Variants in UBR4 observed in about 807,000 individuals in gnomAD.
The protein encoded by UBR4 is ubiquitin protein ligase E3 component n-recognin 4.
UBR4 carries 124 observed loss-of-function variants against 575.6 expected under a neutral mutation model. The observed-to-expected ratio is 0.22, with a 90% confidence interval of 0.19 to 0.25. The LOEUF is 0.25. Ranked by LOEUF, UBR4 falls within the 10% of genes least tolerant of loss-of-function variation. The pLI, the probability that UBR4 is intolerant of heterozygous loss-of-function variation, is 1.00. For synonymous variants in UBR4, 2,455 were observed against 2,473.7 expected, an observed-to-expected ratio of 0.99 and a Z score of 0.22; for missense variants, 4,818 against 6,478.8, an observed-to-expected ratio of 0.74 and a Z score of 8.80.
chr1:19,161,277 T>A, intron 37 of UBR4, 130 bp from the exon 38 acceptor site: 1 of 878,484 alleles, frequency 1.1e-6, no homozygotes, highest in Non-Finnish European at 1.7e-6. Context: ...TCCAAAAGCC[T>A]AAATTCTGAT....
chr1:19,122,940 C>A lies in UBR4; in HGVS notation c.9709G>T (p.Val3237Leu), dbSNP rs754345395. ...LRDLHTLDSH[V>L]RGIKKLLEEQ... Reference sequence around the variant, plus strand: ...TCTAGCAGCTTCTTGATCCCACGCACGTGAGAGTCCAGGGTGTGCAAATCC... The same window carrying A: ...TCTAGCAGCTTCTTGATCCCACGCAAGTGAGAGTCCAGGGTGTGCAAATCC... Residue 3237 changes from valine (V) to leucine (L), a missense_variant, in exon 66 of 106, where the codon GTG (valine) becomes TTG (leucine). Physicochemically the swap from Val to Leu is conservative, Grantham distance 32. Around this residue, in one of 29 missense-constraint regions of UBR4, gnomAD observed 550 missense variants for 791.5 expected, o/e 0.69. Transcript: ENST00000375254. 1 of 1,614,232 alleles carries A rather than the reference C, an allele frequency of 6.2e-7. No homozygotes were observed.
chr1:19,199,887 G>A, intron 2 of UBR4, 133 bp from the exon 3 acceptor site: 3 of 711,688 alleles, frequency 4.2e-6, no homozygotes, highest in South Asian at 1.7e-5. Context: ...AAACCCAAGG[G>A]GTAAACAAAG....
intron 18 of UBR4, among the ~76,000 whole-genome samples, chr1:19,178,415 C>T (rs1307922008): frequency 2.6e-5 from 4 of 152,046 alleles, no homozygotes; most frequent in African/African-American, 9.7e-5. Context: ...CTCATTGCAC[C>T]CCTCGACCCT....
intron 81 of UBR4, among the ~76,000 whole-genome samples, chr1:19,109,696 G>A (rs540362924): frequency 5.6e-4 from 85 of 152,352 alleles, no homozygotes; most frequent in Non-Finnish European, 5.6e-4. Flanking sequence ...ACATCATGAT[G>A]CTAATAAATG....
chr1:19,095,954 A>T, intron 92 of UBR4: 2 of 322,648 alleles, frequency 6.2e-6, no homozygotes, highest in Non-Finnish European at 1.2e-5. Flanking sequence ...TCCCAGCATC[A>T]ACTCAGACCC....
At chr1:19,076,411 T>C (rs544476487) in intron 105 of UBR4, among the ~76,000 whole-genome samples, 76 of 152,344 alleles carry the variant, frequency 5.0e-4, no homozygotes, top group African/African-American at 1.7e-3. Flanking sequence ...GGCCACTTAT[T>C]TGATCTTCAG....
At chr1:19,150,548 C>T (rs934737795) in intron 49 of UBR4, 29 bp downstream of exon 49, 1 of 1,610,368 alleles carries the variant, frequency 6.2e-7, no homozygotes, top group Non-Finnish European at 8.5e-7. Context: ...TATGTAAAAA[C>T]TGAAGCCAAC....
intron 48 of UBR4, chr1:19,151,245 G>C (rs1571167374): frequency 3.0e-6 from 1 of 331,946 alleles, no homozygotes; most frequent in East Asian, 7.3e-5. Flanking sequence ...TGAGAGTTTA[G>C]TTTTCAGTGG....
intron 1 of UBR4, among the ~76,000 whole-genome samples, chr1:19,205,242 T>G (rs1038791225): frequency 1.6e-4 from 24 of 152,126 alleles, no homozygotes; most frequent in African/African-American, 5.6e-4. Context: ...GAAATCCAAT[T>G]TGATGTGTAA....
chr1:19,100,717 C>G lies in UBR4; in HGVS notation c.13024-144G>C. The G allele has an allele frequency of 1.3e-6, 1 of 750,422 alleles. No individual in the cohort carries two copies. The highest frequency in any genetic ancestry group is 2.1e-6 in the Non-Finnish European group (1 of 469,100). The allele number at this position is 750,422 out of a possible 1,614,324, so 46.5% of individuals were successfully genotyped here. On this transcript the variant is annotated intron_variant, in intron 88 of 105. Transcript: ENST00000375254. This position sits in a 1 kb window ranked among gnomAD's most constrained non-coding sequence, Gnocchi z 4.2. ...ATTTAAAGATACAAAGGACAGGAAA[C>G]TCAGAGGTACTTCCAAAAATCTAAA...
At position 19,145,964 on chromosome 1, in the gene UBR4, G is replaced by A. The variant is rs1200898397; in HGVS notation, c.7805-31C>T. On this transcript the variant is annotated intron_variant, in intron 52 of 105. Transcript: ENST00000375254. ...CAGGAGAAAGAAAATTATCAACGATGGTAAATCTGAGATGGAATTTAATTT... is the reference window on the plus strand; with the variant it reads ...CAGGAGAAAGAAAATTATCAACGATAGTAAATCTGAGATGGAATTTAATTT... The A allele has an allele frequency of 2.5e-6, 4 of 1,612,498 alleles. No individual in the cohort carries two copies. The East Asian group carries it at 8.9e-5, about 36-fold the overall frequency.
intron 29 of UBR4, 92 bp downstream of exon 29, chr1:19,166,930 G>T: frequency 1.5e-6 from 2 of 1,362,302 alleles, no homozygotes; most frequent in Non-Finnish European, 2.1e-6. Context: ...AAAACAATAA[G>T]CTATTAATGA....
chr1:19,085,952 G>A (rs569488082), intron 101 of UBR4, among the ~76,000 whole-genome samples, 193 bp downstream of exon 101: 2 of 152,220 alleles, frequency 1.3e-5, no homozygotes, highest in Admixed American at 6.5e-5. Context: ...GCCATGTCAG[G>A]TCACCCCTTG....
rs180908839 is a variant in UBR4 at position 19,139,726 on chromosome 1, G to A, written c.8594-506C>T. Among the ~76,000 whole-genome samples the A allele has an allele frequency of 6.6e-6, 1 of 152,202 alleles. No individual in the cohort carries two copies. The highest frequency in any genetic ancestry group is 1.5e-5 in the Non-Finnish European group (1 of 68,036). ...TATGTTAGGAAATCACTTAGCATGAGCTCTTGAATCAACCCTGTTTTGGTT... is the reference window on the plus strand; with the variant it reads ...TATGTTAGGAAATCACTTAGCATGAACTCTTGAATCAACCCTGTTTTGGTT... On this transcript the variant is annotated intron_variant, in intron 58 of 105. Transcript: ENST00000375254. The surrounding 1 kb of genome is among the most constrained non-coding windows in gnomAD (Gnocchi z 4.2).
In UBR4 at chr1:19,161,937, C is replaced by T. The variant is rs2087433427; in HGVS notation, c.4957-40G>A. On this transcript the variant is annotated intron_variant, in intron 35 of 105. Transcript: ENST00000375254. ...AGTCTTTTTAATTCGAAATATATCC[C>T]TGCATATAAACACCCACAAAAACAC... 8 of 1,610,038 alleles carry T rather than the reference C, an allele frequency of 5.0e-6. No individual in the cohort carries two copies. The East Asian group carries it at 1.8e-4, about 36-fold the overall frequency.
chr1:19,161,129 G>C lies in UBR4; in HGVS notation c.5194C>G (p.Pro1732Ala), dbSNP rs141287930. 6.2e-7 allele frequency: 1 copy of C among 1,613,892 alleles called. No homozygotes were observed. The highest frequency in any genetic ancestry group is 1.3e-5 in the African/African-American group (1 of 74,906). Reference protein sequence around the residue: ...GSCLALVKRTPSSGMSSTMKE... With the variant: ...GSCLALVKRTASSGMSSTMKE... The stretch of plus-strand genomic sequence containing the variant: ...ATGGTAGAGCTCATGCCACTGCTAG[G>C]AGTTCTCTTCACCAGAGCCTAGGGA... Residue 1732 changes from proline (P) to alanine (A), a missense_variant, in exon 38 of 106, where the codon CCT becomes GCT. By Grantham distance (27) the Pro-to-Ala change is conservative. Coordinates refer to ENST00000375254, the MANE Select transcript of UBR4 (RefSeq NM_020765.3).
chr1:19,167,586 C>T (rs1571361518), intron 28 of UBR4, among the ~76,000 whole-genome samples: 2 of 152,288 alleles, frequency 1.3e-5, no homozygotes, highest in Middle Eastern at 3.4e-3. Flanking sequence ...TGCCAGGAAC[C>T]TGGATCACTT....
intron 55 of UBR4, among the ~76,000 whole-genome samples, chr1:19,143,661 A>C (rs2084420992): frequency 6.6e-6 from 1 of 152,238 alleles, no homozygotes; most frequent in African/African-American, 2.4e-5. Context: ...TATGGCTCTT[A>C]GGAAGCTTTC....
chr1:19,207,835 T>A (rs1437358445), intron 1 of UBR4, among the ~76,000 whole-genome samples: 1 of 152,152 alleles, frequency 6.6e-6, no homozygotes, highest in East Asian at 1.9e-4. Flanking sequence ...AAATTCAAAT[T>A]TCAGTGCCCA....
Sources: allele counts gnomAD v4.1 joint callset (sites outside exome capture counted in the v4.1 genomes callset), GRCh38; gene constraint gnomAD v4.1.1; regional missense constraint gnomAD v4.1.1; non-coding constraint Gnocchi (gnomAD v3.1); transcripts MANE v1.5; gene names NCBI Gene and HGNC (gene_info 2026-07-23, HGNC 2026-07-21).